ESRRG: variants seen among roughly 807,000 people sequenced by gnomAD.
The protein encoded by ESRRG is estrogen related receptor gamma, also known as estrogen-related receptor gamma.
In ESRRG, 13 loss-of-function variants were observed where a neutral mutation model predicts 44.0. That is an observed-to-expected ratio of 0.30 (90% confidence interval 0.19 to 0.47). The LOEUF is 0.47. Among genes scored for constraint, ESRRG ranks in the 20% least tolerant of loss-of-function variants. The pLI is 1.00. For synonymous variants in ESRRG, 215 were observed against 214.6 expected (o/e 1.00, Z -0.02); for missense variants, 395 against 580.6 (o/e 0.68, Z 3.29).
intron 2 of ESRRG, among the ~76,000 whole-genome samples, chr1:216,898,310 G>A (rs527636124): frequency 3.9e-5 from 6 of 152,042 alleles, no homozygotes; most frequent in African/African-American, 9.7e-5. Context: ...CCCTTAAGCC[G>A]AGACTACTAT....
chr1:216,956,229 A>AT (rs35782859), intron 1 of ESRRG, among the ~76,000 whole-genome samples: 20,828 of 151,968 alleles, frequency 0.14, 1,910 homozygotes, highest in Admixed American at 0.2. Context: ...GTGGCGAGGG[A>AT]TAGGGATACA....
chr1:216,519,919 T>C (rs2045587892), intron 5 of ESRRG, among the ~76,000 whole-genome samples: 1 of 151,650 alleles, frequency 6.6e-6, no homozygotes, highest in South Asian at 2.1e-4. Context: ...AACATTTCTG[T>C]ATAATATTAA....
intron 5 of ESRRG, among the ~76,000 whole-genome samples, chr1:216,546,586 A>T (rs2054581092): frequency 6.6e-6 from 1 of 152,016 alleles, no homozygotes; most frequent in South Asian, 2.1e-4. Flanking sequence ...TTTGCCAGTT[A>T]TGTAGCCAGT....
chr1:217,021,934 G>A (rs961596000), intron 1 of ESRRG, among the ~76,000 whole-genome samples: 12 of 152,224 alleles, frequency 7.9e-5, no homozygotes, highest in African/African-American at 2.6e-4. Context: ...GCTCTTAAAT[G>A]TCCTCCCATC....
At chr1:217,018,503 C>T (rs2079780867) in intron 1 of ESRRG, among the ~76,000 whole-genome samples, 1 of 152,130 alleles carries the variant, frequency 6.6e-6, no homozygotes, top group African/African-American at 2.4e-5. Context: ...CTTTTCTGAG[C>T]TGGTTCCTGC....
rs372562553 is a variant in ESRRG at position 216,893,286 on chromosome 1, C to T, written c.-14+46296G>A. ...TATTGGTGGCCAAATACACACAGTT[C>T]CTGAATGGAGGGAGCTTACAATTTA... is the stretch of plus-strand genomic sequence containing the variant. On this transcript the variant is annotated intron_variant, in intron 2 of 7. Coordinates refer to the ESRRG transcript ENST00000359162. 1.2e-4 allele frequency among the ~76,000 whole-genome samples: 18 copies of T among 152,160 alleles called. 1 individual carries two copies. In the South Asian group the frequency reaches 3.3e-3, roughly 28 times the overall value.
At chr1:216,769,442 A>C (rs2093281955) in intron 2 of ESRRG, among the ~76,000 whole-genome samples, 1 of 152,118 alleles carries the variant, frequency 6.6e-6, no homozygotes, top group Non-Finnish European at 1.5e-5. Context: ...GTGTGAGATG[A>C]CATTGGGAAA....
chr1:216,976,724 C>T (rs2072996845), intron 1 of ESRRG, among the ~76,000 whole-genome samples: 1 of 151,786 alleles, frequency 6.6e-6, no homozygotes, highest in East Asian at 1.9e-4. Flanking sequence ...TATTACCCTT[C>T]AGTGATGTGG....
At chr1:216,924,250 C>A (rs1046486745) in intron 2 of ESRRG, among the ~76,000 whole-genome samples, 1 of 152,192 alleles carries the variant, frequency 6.6e-6, no homozygotes, top group East Asian at 1.9e-4. Flanking sequence ...CCAGCATAAT[C>A]CTGAACATTG....
At chr1:216,529,018 G>T (rs569450957) in intron 5 of ESRRG, among the ~76,000 whole-genome samples, 1 of 152,108 alleles carries the variant, frequency 6.6e-6, no homozygotes, top group Admixed American at 6.6e-5. Flanking sequence ...CTTTCACTGT[G>T]TCTTTACACA....
rs535566365 is a variant in ESRRG, at chr1:216,713,090, T to C, written c.56+10154A>G. 5.9e-5 allele frequency among the ~76,000 whole-genome samples: 9 copies of C among 152,316 alleles called. No homozygotes were observed. In the South Asian group the frequency reaches 1.9e-3, roughly 32 times the overall value. ...TATTGATTTGAGTGTGTCACAGTGA[T>C]CTCATTGAGAGTAATCAATAGTAAT... On this transcript the variant is annotated intron_variant, in intron 1 of 6. Coordinates refer to ENST00000408911, the MANE Select transcript of ESRRG (RefSeq NM_001438.4).
At chr1:216,627,377 A>C (rs1453305688) in intron 3 of ESRRG, among the ~76,000 whole-genome samples, 1 of 151,934 alleles carries the variant, frequency 6.6e-6, no homozygotes. Flanking sequence ...TTTTGGTCAC[A>C]TTGTATCTGG....
intron 1 of ESRRG, among the ~76,000 whole-genome samples, chr1:216,700,702 A>T (rs1202740287): frequency 6.6e-6 from 1 of 152,100 alleles, no homozygotes; most frequent in African/African-American, 2.4e-5. Context: ...CTTTAATCTC[A>T]GTGTAATCTG....
At chr1:216,534,443 G>T (rs2050296416) in intron 5 of ESRRG, among the ~76,000 whole-genome samples, 1 of 152,082 alleles carries the variant, frequency 6.6e-6, no homozygotes, top group Admixed American at 6.6e-5. Flanking sequence ...TCCAAAATAA[G>T]TACTCTGAGA....
At chr1:217,002,030 G>A (rs1015985937) in intron 1 of ESRRG, among the ~76,000 whole-genome samples, 2 of 151,948 alleles carry the variant, frequency 1.3e-5, no homozygotes, top group Admixed American at 6.6e-5. Context: ...ACCCGGGCAT[G>A]ATGGCTCACA....
chr1:216,554,084 G>C (rs531807377), intron 5 of ESRRG, among the ~76,000 whole-genome samples: 67 of 152,150 alleles, frequency 4.4e-4, no homozygotes, highest in African/African-American at 1.5e-3. Flanking sequence ...GAATTGGGGA[G>C]GAAGCAGCAG....
At chr1:216,516,668 C>CACACAG (rs376701865) in intron 6 of ESRRG, among the ~76,000 whole-genome samples, 4 of 137,240 alleles carry the variant, frequency 2.9e-5, no homozygotes, top group East Asian at 4.1e-4. Flanking sequence ...CACACACACA[C>CACACAG]AGAGAGAGAG....
intron 2 of ESRRG, among the ~76,000 whole-genome samples, chr1:216,882,970 T>C (rs1172267615): frequency 6.6e-6 from 1 of 151,928 alleles, no homozygotes; most frequent in Non-Finnish European, 1.5e-5. Flanking sequence ...CATAAGTCTA[T>C]ATTGACCGAA....
chr1:216,792,913 A>C (rs2094364454), intron 2 of ESRRG, among the ~76,000 whole-genome samples: 2 of 152,164 alleles, frequency 1.3e-5, no homozygotes, highest in Admixed American at 6.6e-5. Flanking sequence ...CCTTAGTGAA[A>C]AGAATTGCTC....
Sources: gnomAD v4.1 joint callset for allele counts (sites outside exome capture counted in the v4.1 genomes callset) on GRCh38, gnomAD v4.1.1 for gene constraint, MANE v1.5 for transcripts, NCBI Gene and HGNC (gene_info 2026-07-23, HGNC 2026-07-21) for gene names.